The following XKR6 variants were observed in gnomAD, a reference collection of about 807,000 sequenced individuals.
XKR6 encodes the protein XK-related protein 6.
A neutral mutation model predicts 56.7 loss-of-function variants in XKR6; 22 were observed. The observed-to-expected ratio is 0.39, with a 90% CI of 0.28 to 0.55. The LOEUF (loss-of-function observed/expected upper bound fraction) is 0.55, where lower values mean the gene tolerates loss of function less well. Among genes scored for constraint, XKR6 ranks in the 20% least tolerant of loss-of-function variants. XKR6 has a pLI of 0.66. For missense variants in XKR6, 852 were observed against 889.0 expected, an observed-to-expected ratio of 0.96 and a Z score of 0.53; for synonymous variants, 524 against 387.8, an observed-to-expected ratio of 1.35 and a Z score of -4.13.
intron 1 of XKR6, among the ~76,000 whole-genome samples, chr8:11,188,039 A>C (rs545633140): frequency 1.3e-5 from 2 of 151,640 alleles, no homozygotes; most frequent in Non-Finnish European, 2.9e-5. Flanking sequence ...TTTTTTTTCT[A>C]CAGCCCTGTT....
chr8:10,915,009 C>T (rs1800516353), intron 2 of XKR6, among the ~76,000 whole-genome samples: 1 of 152,252 alleles, frequency 6.6e-6, no homozygotes, highest in Admixed American at 6.5e-5. Context: ...CTCAGTGGCG[C>T]CTTCGTGGTC....
chr8:10,945,223 C>T (rs895459180), intron 1 of XKR6, among the ~76,000 whole-genome samples: 3 of 152,214 alleles, frequency 2.0e-5, no homozygotes, highest in African/African-American at 7.2e-5. Context: ...GTGGCTCATA[C>T]CTGCAGTCCC....
At chr8:10,900,893 C>G (rs1027224541) in intron 2 of XKR6, among the ~76,000 whole-genome samples, 1 of 145,452 alleles carries the variant, frequency 6.9e-6, no homozygotes. Context: ...TTTACCCTGT[C>G]GCTCAGGCTG....
intron 1 of XKR6, among the ~76,000 whole-genome samples, chr8:11,193,297 C>G (rs930307112): frequency 6.6e-6 from 1 of 152,166 alleles, no homozygotes; most frequent in Non-Finnish European, 1.5e-5. Context: ...TTTTAAACCA[C>G]TTGTTTAATA....
rs369241025 is a variant in XKR6 at position 11,051,579 on chromosome 8, T to A, written c.765-126749A>T. 3.3e-5 allele frequency among the ~76,000 whole-genome samples: 5 copies of A among 152,298 alleles called. No individual in the cohort carries two copies. The South Asian group carries it at 1.0e-3, about 32-fold the overall frequency. ...ATAAGGCAAATCTTTGGCTCCTCTT[T>A]TCCTCACGCCCCATGCCTGATCCTT... On this transcript the variant is annotated intron_variant, in intron 1 of 2. Coordinates refer to ENST00000416569, the MANE Select transcript of XKR6 (RefSeq NM_173683.4).
chr8:10,995,228 G>T (rs1798082295), intron 1 of XKR6, among the ~76,000 whole-genome samples: 1 of 151,928 alleles, frequency 6.6e-6, no homozygotes. Context: ...TAAATTTGGG[G>T]TGTCGGCTGG....
intron 2 of XKR6, among the ~76,000 whole-genome samples, chr8:10,911,418 T>C (rs1403249535): frequency 6.8e-6 from 1 of 146,472 alleles, no homozygotes; most frequent in Non-Finnish European, 1.5e-5. Flanking sequence ...TGAGATTGTA[T>C]AAAAATATGT....
chr8:11,190,834 T>G (rs1335016408), intron 1 of XKR6, among the ~76,000 whole-genome samples: 1 of 152,248 alleles, frequency 6.6e-6, no homozygotes, highest in Non-Finnish European at 1.5e-5. Context: ...TTTATCACTT[T>G]AAGCTCACTT....
chr8:11,195,854 A>G (rs1803857815), intron 1 of XKR6, among the ~76,000 whole-genome samples: 1 of 151,274 alleles, frequency 6.6e-6, no homozygotes, highest in Admixed American at 6.6e-5. Context: ...GGGTTTCACC[A>G]TGTTAGCCAG....
intron 1 of XKR6, among the ~76,000 whole-genome samples, chr8:10,946,881 G>A (rs1304619614): frequency 6.6e-6 from 1 of 152,144 alleles, no homozygotes; most frequent in Non-Finnish European, 1.5e-5. Flanking sequence ...AGTGCTCAAG[G>A]ATGGGGGAGA....
At chr8:11,111,544 A>G (rs1487418225) in intron 1 of XKR6, 1 of 152,160 alleles carries the variant, frequency 6.6e-6, no homozygotes, top group East Asian at 1.9e-4. Flanking sequence ...TCTGATCTAA[A>G]TAACTTACAC....
intron 1 of XKR6, among the ~76,000 whole-genome samples, chr8:10,944,013 C>T (rs1234272713): frequency 6.6e-6 from 1 of 152,140 alleles, no homozygotes; most frequent in Admixed American, 6.5e-5. Flanking sequence ...TATCCGAGCT[C>T]TCCTTACCCC....
Position 11,132,111 on chromosome 8 carries a change from C to T in XKR6, c.764+68465G>A, listed in dbSNP as rs546052672. ...GACCCGAGATTCTGATGCAGTAGGTCTGGTGCAGCGCCCTAAAATTTGCAT... is the reference window on the plus strand; with the variant it reads ...GACCCGAGATTCTGATGCAGTAGGTTTGGTGCAGCGCCCTAAAATTTGCAT... On this transcript the variant is annotated intron_variant, in intron 1 of 2. Coordinates refer to ENST00000416569, the MANE Select transcript of XKR6 (RefSeq NM_173683.4). Among the ~76,000 whole-genome samples, 7 of 152,216 alleles carry T rather than the reference C, an allele frequency of 4.6e-5. No individual in the cohort carries two copies. In the East Asian group the frequency reaches 7.7e-4, roughly 17 times the overall value.
chr8:10,898,110 G>A lies in XKR6; in HGVS notation c.1768C>T (p.Pro590Ser). The change falls in exon 3 of 3, where the codon CCA becomes TCA. Residue 590 changes from proline (P) to serine (S), a missense_variant. This residue lies in a region of XKR6 where 197 missense variants were observed against 190.9 expected (regional missense o/e 1.03). Coordinates refer to ENST00000416569, the MANE Select transcript of XKR6 (RefSeq NM_173683.4). The surrounding 1 kb of genome is among the most constrained non-coding windows in gnomAD (Gnocchi z 6.6). ...TCCCAAGCTGGGTATCGCTTTCTTG[G>A]CATGTCAATCTTAATGAGGGGCCCT... Reference protein sequence around the residue: ...PEGPLIKIDMPRKRYPAWDAH... With the variant: ...PEGPLIKIDMSRKRYPAWDAH... 5 of 1,614,128 alleles carry A rather than the reference G, an allele frequency of 3.1e-6. No individual in the cohort carries two copies. The highest frequency in any genetic ancestry group is 4.2e-6 in the Non-Finnish European group (5 of 1,180,008).
chr8:11,195,958 GAA>G (rs5889362), intron 1 of XKR6, among the ~76,000 whole-genome samples: 1,881 of 128,964 alleles, frequency 0.015, 39 homozygotes, highest in East Asian at 0.044. Flanking sequence ...TGGATAAAAT[GAA>G]AAAAAAAAAA....
intron 1 of XKR6, among the ~76,000 whole-genome samples, chr8:11,015,195 C>CT (rs35305267): frequency 2.9e-3 from 425 of 146,046 alleles, no homozygotes; most frequent in African/African-American, 5.1e-3. Flanking sequence ...GTGAGCTGCA[C>CT]TTTTTTTTTT....
chr8:10,901,409 A>G (rs1023876979), intron 2 of XKR6, among the ~76,000 whole-genome samples: 1 of 152,092 alleles, frequency 6.6e-6, no homozygotes, highest in African/African-American at 2.4e-5. Flanking sequence ...CTTGGCTCAA[A>G]CAATCCTCCC....
intron 1 of XKR6, among the ~76,000 whole-genome samples, chr8:11,139,539 A>G (rs1800576409): frequency 6.6e-6 from 1 of 152,064 alleles, no homozygotes. Flanking sequence ...AGTCCGAGGG[A>G]CTAGATGAGC....
At chr8:11,101,744 T>C (rs1033349721) in intron 1 of XKR6, among the ~76,000 whole-genome samples, 2 of 152,208 alleles carry the variant, frequency 1.3e-5, no homozygotes, top group Non-Finnish European at 2.9e-5. Context: ...GTGATCTGCA[T>C]TCTAAGCACC....
Sources: allele counts gnomAD v4.1 joint callset (sites outside exome capture counted in the v4.1 genomes callset), GRCh38; gene constraint gnomAD v4.1.1; regional missense constraint gnomAD v4.1.1; non-coding constraint Gnocchi (gnomAD v3.1); transcripts MANE v1.5; gene names NCBI Gene and HGNC (gene_info 2026-07-23, HGNC 2026-07-21).